TJP1: variants seen among roughly 807,000 people sequenced by gnomAD.
The protein encoded by TJP1 is tight junction protein 1.
In TJP1, 43 loss-of-function variants were observed where a neutral mutation model predicts 194.2. The observed-to-expected ratio is 0.22, with a 90% CI of 0.17 to 0.29. The LOEUF (loss-of-function observed/expected upper bound fraction) is 0.29, where lower values mean the gene tolerates loss of function less well. Ranked by LOEUF, TJP1 falls within the 10% of genes least tolerant of loss-of-function variation. The probability of loss-of-function intolerance (pLI) is 1.00; values close to 1 mark genes in which losing one functional copy is unlikely to be tolerated. For missense variants in TJP1, 1,971 were observed against 2,185.7 expected (o/e 0.90, Z 1.96); for synonymous variants, 801 against 779.0 (o/e 1.03, Z -0.47).
At chr15:29,854,796 G>A (rs533271189) in intron 2 of TJP1, among the ~76,000 whole-genome samples, 2 of 151,878 alleles carry the variant, frequency 1.3e-5, no homozygotes, top group African/African-American at 4.8e-5. Flanking sequence ...CAAGACAAAA[G>A]AAACCTCAAA....
chr15:29,699,780 T>C (rs984950679), downstream of TJP1: 2 of 152,896 alleles, frequency 1.3e-5, no homozygotes, highest in Admixed American at 6.5e-5. Flanking sequence ...CATTAAACAA[T>C]GCCCGTGCTA....
chr15:29,783,565 A>C (rs941648645), intron 2 of TJP1, among the ~76,000 whole-genome samples: 2 of 152,242 alleles, frequency 1.3e-5, no homozygotes, highest in African/African-American at 2.4e-5. Flanking sequence ...TAAAATGTGG[A>C]ATCAACCTAA....
chr15:29,708,675 G>A lies in TJP1; in HGVS notation c.4734C>T (p.His1578=). 2 of 1,614,262 alleles carry A rather than the reference G, an allele frequency of 1.2e-6. No homozygotes were observed. Among genetic ancestry groups the A allele is most frequent in the Non-Finnish European group, 1.7e-6 (2 of 1,180,054 alleles). ...PTSPKTLVKS[H]SLAQPPEFDS... is the part of the protein sequence containing the mutation. ...CAAACTCAGGAGGCTGTGCCAAACT[G>A]TGCGATTTCACAAGAGTTTTTGGAG... is the stretch of plus-strand genomic sequence containing the variant. The change falls in exon 25 of 28, where the codon CAC becomes CAT. Residue 1578 remains histidine (H), a synonymous_variant. Coordinates refer to ENST00000614355, the MANE Select transcript of TJP1 (RefSeq NM_001330239.4).
Position 29,716,706 on chromosome 15 carries a change from A to C in TJP1, c.4107T>G (p.Asn1369Lys). Residue 1369 changes from asparagine to lysine, a missense_variant, in exon 23 of 28, where the codon AAT becomes AAG. Physicochemically the swap from Asn to Lys is moderately conservative, Grantham distance 94. Transcript: ENST00000614355. ...TGGCGGCAATGTGTGCAGGAGGCTTATTCTCAAAACTTCTTCGGTCAAAGT... is the reference window on the plus strand; with the variant it reads ...TGGCGGCAATGTGTGCAGGAGGCTTCTTCTCAAAACTTCTTCGGTCAAAGT... ...LSYFDRRSFENKPPAHIAASH... is the reference protein window; with the variant it reads ...LSYFDRRSFEKKPPAHIAASH... The C allele has an allele frequency of 1.2e-6, 2 of 1,614,160 alleles. No homozygotes were observed. Among genetic ancestry groups the C allele is most frequent in the Middle Eastern group, 1.6e-4 (1 of 6,062 alleles).
rs1041641020 is a variant in TJP1 at position 29,762,842 on chromosome 15, C to G, written c.590-404G>C. Among the ~76,000 whole-genome samples, 3 of 152,162 alleles carry G rather than the reference C, an allele frequency of 2.0e-5. No individual in the cohort carries two copies. The East Asian group carries it at 5.8e-4, about 29-fold the overall frequency. On this transcript the variant is annotated intron_variant, in intron 5 of 27. Transcript: ENST00000614355. ...CTTGAATTCCTGGGGCCAAAAAACC[C>G]TCCTGCCTCAGGCTCCAGAGTAGCT...
At chr15:29,938,871 T>A (rs1402287253) in intron 2 of TJP1, among the ~76,000 whole-genome samples, 2 of 152,236 alleles carry the variant, frequency 1.3e-5, no homozygotes, top group Non-Finnish European at 2.9e-5. Flanking sequence ...CAACGCTTCC[T>A]AACTGCACAC....
chr15:29,835,845 C>CT (rs964912867), intron 2 of TJP1, among the ~76,000 whole-genome samples: 1 of 151,872 alleles, frequency 6.6e-6, no homozygotes, highest in Non-Finnish European at 1.5e-5. Flanking sequence ...TTCATTCATT[C>CT]TTTTTTTAAC....
At chr15:29,746,715 G>A (rs2044808088) in intron 8 of TJP1, among the ~76,000 whole-genome samples, 1 of 151,240 alleles carries the variant, frequency 6.6e-6, no homozygotes, top group Non-Finnish European at 1.5e-5. Context: ...CATAAAATTT[G>A]GTTTTATTAA....
chr15:29,913,452 C>T (rs566514747), intron 2 of TJP1, among the ~76,000 whole-genome samples: 2 of 152,250 alleles, frequency 1.3e-5, no homozygotes, highest in East Asian at 3.9e-4. Flanking sequence ...TGTATGTGCA[C>T]ACACATTTGT....
At chr15:29,728,264 G>A in intron 15 of TJP1, 1 of 393,820 alleles carries the variant, frequency 2.5e-6, no homozygotes, top group East Asian at 4.3e-5. Flanking sequence ...AAAATATACA[G>A]GAATGCACAT....
intron 1 of TJP1, among the ~76,000 whole-genome samples, chr15:29,967,135 TC>T (rs2056361815): frequency 6.6e-6 from 1 of 151,974 alleles, no homozygotes; most frequent in South Asian, 2.1e-4. Flanking sequence ...TGCCTCAGCC[TC>T]CCAAGTAGCT....
At chr15:29,706,446 G>A (rs78463180) in intron 25 of TJP1, among the ~76,000 whole-genome samples, 1 of 151,896 alleles carries the variant, frequency 6.6e-6, no homozygotes, top group East Asian at 1.9e-4. Flanking sequence ...ACTTTTTTTT[G>A]AGTGTCAAAA....
intron 2 of TJP1, among the ~76,000 whole-genome samples, chr15:29,864,237 CAAAA>C (rs397975539): frequency 2.0e-3 from 37 of 18,942 alleles, no homozygotes; most frequent in East Asian, 7.4e-3. Context: ...ACTAAAAATA[CAAAA>C]AAAAAAAAAA....
chr15:29,869,822 T>TTTTG (rs2052443309), intron 2 of TJP1, among the ~76,000 whole-genome samples: 1 of 140,490 alleles, frequency 7.1e-6, no homozygotes, highest in Non-Finnish European at 1.5e-5. Context: ...TTTTTTTTTT[T>TTTTG]TTGAGACAGA....
At chr15:29,878,895 C>CG (rs1202193973) in intron 2 of TJP1, among the ~76,000 whole-genome samples, 1 of 151,992 alleles carries the variant, frequency 6.6e-6, no homozygotes, top group Non-Finnish European at 1.5e-5. Context: ...GAGGCTGAGG[C>CG]GGGTGGATCA....
intron 8 of TJP1, among the ~76,000 whole-genome samples, chr15:29,752,390 C>T (rs1003843842): frequency 6.6e-6 from 1 of 152,134 alleles, no homozygotes; most frequent in Non-Finnish European, 1.5e-5. Flanking sequence ...AGGTGTAAGC[C>T]ATCGTGCCTG....
At chr15:29,759,994 G>A in intron 8 of TJP1, 2 of 487,366 alleles carry the variant, frequency 4.1e-6, no homozygotes, top group Non-Finnish European at 7.2e-6. Flanking sequence ...TGGAATTGCT[G>A]GATCATGTGC....
intron 11 of TJP1, among the ~76,000 whole-genome samples, chr15:29,736,133 A>C (rs1279984699): frequency 1.3e-5 from 2 of 152,248 alleles, no homozygotes; most frequent in Non-Finnish European, 1.5e-5. Context: ...CTAAAAAATA[A>C]AGGAAAATGA....
At chr15:29,856,806 T>C (rs2051871707) in intron 2 of TJP1, among the ~76,000 whole-genome samples, 2 of 151,144 alleles carry the variant, frequency 1.3e-5, no homozygotes, top group African/African-American at 4.9e-5. Context: ...ACCCCGTCTC[T>C]ATGACTGTGC....
Sources: gnomAD v4.1 joint callset for allele counts (sites outside exome capture counted in the v4.1 genomes callset) on GRCh38, gnomAD v4.1.1 for gene constraint, MANE v1.5 for transcripts, NCBI Gene and HGNC (gene_info 2026-07-23, HGNC 2026-07-21) for gene names.